CLIC5: variants seen among roughly 807,000 people sequenced by gnomAD.
CLIC5 encodes the protein chloride intracellular channel protein 5.
A neutral mutation model predicts 24.7 loss-of-function variants in CLIC5; 20 were observed. The observed-to-expected ratio is 0.81, with a 90% CI of 0.57 to 1.18. The LOEUF (loss-of-function observed/expected upper bound fraction) is 1.18, where lower values mean the gene tolerates loss of function less well. CLIC5 is among the 50% of genes most tolerant of loss of function. The pLI is 0.00. For synonymous variants in CLIC5, 159 were observed against 135.6 expected (o/e 1.17, Z -1.20); for missense variants, 341 against 326.1 (o/e 1.05, Z -0.35).
intron 1 of CLIC5, among the ~76,000 whole-genome samples, chr6:46,002,308 G>A (rs1273397546): frequency 6.6e-6 from 1 of 152,154 alleles, no homozygotes; most frequent in East Asian, 1.9e-4. Flanking sequence ...GTCTTAGAAT[G>A]GAAGAAGAGC....
chr6:46,058,814 CA>C (rs5875953), intron 1 of CLIC5, among the ~76,000 whole-genome samples: 331 of 150,318 alleles, frequency 2.2e-3, no homozygotes, highest in African/African-American at 6.5e-3. Context: ...CCAGATTCCA[CA>C]AAAAAAAAGG....
chr6:45,919,057 A>C, intron 4 of CLIC5: 2 of 985,434 alleles, frequency 2.0e-6, no homozygotes, highest in Non-Finnish European at 2.4e-6. Flanking sequence ...CTTCCTTACA[A>C]GCTCCTAACC....
chr6:46,004,049 T>A (rs1766454214), intron 1 of CLIC5, among the ~76,000 whole-genome samples: 1 of 152,092 alleles, frequency 6.6e-6, no homozygotes, highest in South Asian at 2.1e-4. Context: ...TAACAGAATA[T>A]GGGAAATAAC....
the CLIC5 span, among the ~76,000 whole-genome samples, chr6:46,112,509 G>T: frequency 6.6e-6 from 1 of 152,114 alleles, no homozygotes; most frequent in Non-Finnish European, 1.5e-5. Context: ...TGCCTTTGGG[G>T]GGGTAATCAC....
chr6:45,937,788 G>A (rs1392256520), intron 4 of CLIC5, among the ~76,000 whole-genome samples: 1 of 152,150 alleles, frequency 6.6e-6, no homozygotes, highest in Admixed American at 6.5e-5. Flanking sequence ...TGGCTCCCAC[G>A]GATGGGGTCT....
chr6:45,886,507 C>T (rs937558930), intron 6 of CLIC5, among the ~76,000 whole-genome samples: 3 of 152,174 alleles, frequency 2.0e-5, no homozygotes, highest in African/African-American at 7.2e-5. Flanking sequence ...CCTTTTATCA[C>T]CAGCTCACGG....
chr6:46,026,477 G>A (rs980481730), intron 1 of CLIC5, among the ~76,000 whole-genome samples: 7 of 152,230 alleles, frequency 4.6e-5, no homozygotes, highest in Middle Eastern at 3.4e-3. Flanking sequence ...CTTTGATTCC[G>A]TTTTTGTCAT....
At chr6:46,107,687 G>A in the CLIC5 span, among the ~76,000 whole-genome samples, 24 of 152,258 alleles carry the variant, frequency 1.6e-4, no homozygotes, top group African/African-American at 5.8e-4. Context: ...ATTTTGGTTA[G>A]TTTAGAGGAT....
intron 5 of CLIC5, among the ~76,000 whole-genome samples, chr6:45,905,735 C>T (rs539289724): frequency 3.0e-4 from 45 of 152,172 alleles, no homozygotes; most frequent in African/African-American, 1.1e-3. Context: ...ATAATTAAGT[C>T]CCACTTGTCA....
chr6:45,983,511 C>T (rs888626758), intron 1 of CLIC5, among the ~76,000 whole-genome samples: 4 of 152,100 alleles, frequency 2.6e-5, no homozygotes, highest in African/African-American at 7.2e-5. Flanking sequence ...CTTATAGCTC[C>T]GCTCTGGCTA....
chr6:46,041,514 C>A (rs924384438), intron 1 of CLIC5, among the ~76,000 whole-genome samples: 2 of 152,204 alleles, frequency 1.3e-5, no homozygotes, highest in Admixed American at 6.5e-5. Flanking sequence ...CATCCCAGTT[C>A]TTCGTTCCTC....
chr6:46,015,016 AAG>A (rs1766945663), intron 1 of CLIC5, among the ~76,000 whole-genome samples: 1 of 152,238 alleles, frequency 6.6e-6, no homozygotes, highest in Admixed American at 6.5e-5. Flanking sequence ...GAAAGAGAGA[AAG>A]AGAATTTTAA....
chr6:45,993,024 G>C (rs1182338429), intron 1 of CLIC5, among the ~76,000 whole-genome samples: 2 of 152,136 alleles, frequency 1.3e-5, no homozygotes, highest in Non-Finnish European at 2.9e-5. Flanking sequence ...TTTGAGGAGA[G>C]GTTTCCCATC....
At chr6:45,946,546 G>A (rs527686723) in intron 3 of CLIC5, among the ~76,000 whole-genome samples, 51 of 152,294 alleles carry the variant, frequency 3.3e-4, no homozygotes, top group Admixed American at 5.9e-4. Context: ...GCCGACCAGC[G>A]CTTGGTGAAT....
chr6:45,955,305 A>G (rs1342444725), intron 1 of CLIC5, 61 bp from the exon 2 acceptor site: 16 of 1,211,494 alleles, frequency 1.3e-5, no homozygotes, highest in Non-Finnish European at 1.6e-5. Flanking sequence ...GGAACATAAG[A>G]TTGTAACACC....
the CLIC5 span, among the ~76,000 whole-genome samples, chr6:46,125,787 C>A: frequency 1.3e-5 from 2 of 152,082 alleles, no homozygotes; most frequent in African/African-American, 4.8e-5. Context: ...TGGCCACCAG[C>A]AGCTTCAGTG....
intron 5 of CLIC5, chr6:45,912,665 G>T: frequency 6.5e-7 from 1 of 1,533,680 alleles, no homozygotes; most frequent in South Asian, 1.2e-5. Context: ...CGGGTCTCCT[G>T]ATCTTTGCAT....
At chr6:45,927,451 T>TCTCA (rs772517816) in intron 4 of CLIC5, among the ~76,000 whole-genome samples, 36 of 152,192 alleles carry the variant, frequency 2.4e-4, no homozygotes, top group Non-Finnish European at 3.1e-4. Flanking sequence ...ATTGTTGAGA[T>TCTCA]GAAGACAATT....
At chr6:45,930,669 A>C (rs1262013889) in intron 4 of CLIC5, among the ~76,000 whole-genome samples, 1 of 152,184 alleles carries the variant, frequency 6.6e-6, no homozygotes, top group Non-Finnish European at 1.5e-5. Flanking sequence ...GCCCAGTCCA[A>C]AGGGTGGACA....
Sources: allele counts gnomAD v4.1 joint callset (sites outside exome capture counted in the v4.1 genomes callset), GRCh38; gene constraint gnomAD v4.1.1; transcripts MANE v1.5; gene names NCBI Gene and HGNC (gene_info 2026-07-23, HGNC 2026-07-21).